Variants in SGMS1 observed in about 807,000 individuals in gnomAD.
SGMS1 encodes phosphatidylcholine:ceramide cholinephosphotransferase 1.
In SGMS1, 13 loss-of-function variants were observed where a neutral mutation model predicts 46.2. The ratio of observed to expected loss-of-function variants is 0.28; its 90% CI spans 0.18 to 0.45. The LOEUF is 0.45. Ranked by LOEUF, SGMS1 falls within the 20% of genes least tolerant of loss-of-function variation. SGMS1 has a pLI of 1.00. For missense variants in SGMS1, 324 were observed against 519.9 expected, an observed-to-expected ratio of 0.62 and a Z score of 3.66; for synonymous variants, 203 against 187.8, an observed-to-expected ratio of 1.08 and a Z score of -0.66.
rs776672777 is a variant in SGMS1, at chr10:50,307,969, CG to C, written c.1062+12del. On this transcript the variant is annotated intron_variant, in intron 10 of 10. Coordinates refer to ENST00000361781, the MANE Select transcript of SGMS1 (RefSeq NM_147156.4). This position sits in a 1 kb window ranked among gnomAD's most constrained non-coding sequence, Gnocchi z 4.2. ...AAACAACAGAAGCTAAAATCAAAAG[CG>C]GGGAAACTCACTTGCTGATTGGCCA... The C allele has an allele frequency of 1.2e-6, 2 of 1,612,766 alleles. No individual in the cohort carries two copies. The highest frequency in any genetic ancestry group is 3.3e-5 in the Admixed American group (2 of 59,866).
intron 7 of SGMS1, chr10:50,335,450 T>C (rs1847700584): frequency 1.3e-5 from 2 of 152,212 alleles, no homozygotes; most frequent in African/African-American, 2.4e-5. Context: ...GAAACTATAA[T>C]TTTCATTTTG....
chr10:50,602,644 T>C (rs189058849), intron 1 of SGMS1, among the ~76,000 whole-genome samples: 4 of 152,310 alleles, frequency 2.6e-5, no homozygotes, highest in African/African-American at 9.6e-5. Context: ...GTGATGTTTA[T>C]TTTTCTAAAT....
At chr10:50,487,416 C>T (rs572660134) in intron 3 of SGMS1, among the ~76,000 whole-genome samples, 1 of 152,248 alleles carries the variant, frequency 6.6e-6, no homozygotes, top group South Asian at 2.1e-4. Context: ...GTTGCTGGAG[C>T]AGCAAACCAC....
intron 3 of SGMS1, among the ~76,000 whole-genome samples, chr10:50,484,985 C>G (rs886637703): frequency 1.3e-5 from 2 of 152,142 alleles, no homozygotes. Context: ...AAAACCAGCA[C>G]AAGACAAGGA....
intron 1 of SGMS1, among the ~76,000 whole-genome samples, chr10:50,601,607 A>G (rs1244839237): frequency 6.6e-6 from 1 of 152,230 alleles, no homozygotes; most frequent in Non-Finnish European, 1.5e-5. Flanking sequence ...ATAAAAGAGG[A>G]ATTAAATTTT....
chr10:50,388,778 C>A (rs928158159), intron 6 of SGMS1, among the ~76,000 whole-genome samples: 53 of 152,086 alleles, frequency 3.5e-4, no homozygotes, highest in Admixed American at 8.5e-4. Flanking sequence ...TAACCTACTA[C>A]ATAAAACAAT....
chr10:50,542,969 A>G (rs1335771082), intron 2 of SGMS1, among the ~76,000 whole-genome samples: 1 of 151,998 alleles, frequency 6.6e-6, no homozygotes, highest in Non-Finnish European at 1.5e-5. Context: ...TTAGACTTGG[A>G]CCTGCTTCCT....
intron 9 of SGMS1, among the ~76,000 whole-genome samples, chr10:50,308,917 G>C (rs556243499): frequency 6.6e-6 from 1 of 152,100 alleles, no homozygotes; most frequent in African/African-American, 2.4e-5. Context: ...ATTCTCAATG[G>C]GTCCAAGAAC....
At chr10:50,337,842 C>G (rs1564879600) in intron 7 of SGMS1, among the ~76,000 whole-genome samples, 1 of 150,434 alleles carries the variant, frequency 6.6e-6, no homozygotes, top group African/African-American at 2.4e-5. Context: ...ACAAATAAGG[C>G]CCCCAAAAGG....
At position 50,305,618 on chromosome 10, in the gene SGMS1, T is replaced by G. The variant is rs1396310224; in HGVS notation, c.*1524A>C. The G allele has an allele frequency of 6.5e-6, 1 of 152,752 alleles. No individual in the cohort carries two copies. The highest frequency in any genetic ancestry group is 1.5e-5 in the Non-Finnish European group (1 of 68,014). The allele number at this position is 152,752 out of a possible 1,614,324, so 9.5% of individuals were successfully genotyped here. A position where few individuals can be genotyped will look rare whatever the true frequency, so the allele number is the denominator to read the frequency against. On this transcript the variant is annotated 3_prime_UTR_variant, in exon 11 of 11. Coordinates refer to ENST00000361781, the MANE Select transcript of SGMS1 (RefSeq NM_147156.4). The stretch of plus-strand genomic sequence containing the variant: ...ACAGCCATTTATTTTAAGTATCAGT[T>G]TTTATTAAAAAGTGCATTTTGATTA...
At chr10:50,620,981 T>G (rs1838844522) in intron 1 of SGMS1, among the ~76,000 whole-genome samples, 2 of 152,118 alleles carry the variant, frequency 1.3e-5, no homozygotes, top group South Asian at 4.1e-4. Flanking sequence ...CCCAGGAGTT[T>G]GGGACCAGCC....
chr10:50,417,272 T>A (rs1346001008), intron 6 of SGMS1, among the ~76,000 whole-genome samples: 1 of 152,168 alleles, frequency 6.6e-6, no homozygotes, highest in Non-Finnish European at 1.5e-5. Context: ...TTTAAGTGGC[T>A]CACTGGACTT....
chr10:50,480,116 G>A (rs1215913618), intron 3 of SGMS1, among the ~76,000 whole-genome samples: 2 of 151,944 alleles, frequency 1.3e-5, no homozygotes, highest in East Asian at 1.9e-4. Flanking sequence ...AAGGATGAAC[G>A]TCTATAGTAT....
intron 6 of SGMS1, among the ~76,000 whole-genome samples, chr10:50,428,683 T>A (rs1408030271): frequency 6.6e-6 from 1 of 152,180 alleles, no homozygotes; most frequent in Admixed American, 6.5e-5. Flanking sequence ...GCCTCAGCAG[T>A]GCCTGAACTA....
At chr10:50,476,287 G>T (rs929882855) in intron 3 of SGMS1, among the ~76,000 whole-genome samples, 1 of 124,814 alleles carries the variant, frequency 8.0e-6, no homozygotes, top group Non-Finnish European at 1.7e-5. Context: ...ATAAAAAAGG[G>T]AAGGGAAGGG....
At chr10:50,624,649 G>T (rs1202068514), upstream of SGMS1, 1 of 985,342 alleles carries the variant, frequency 1.0e-6, no homozygotes, top group Non-Finnish European at 1.2e-6. Context: ...CCCGGAGAGC[G>T]GCTAGGCCGG....
intron 6 of SGMS1, among the ~76,000 whole-genome samples, chr10:50,384,745 C>T (rs1212133624): frequency 6.6e-6 from 1 of 152,054 alleles, no homozygotes; most frequent in Admixed American, 6.6e-5. Context: ...CCACTGTGCC[C>T]GGCCTACTTT....
chr10:50,530,302 C>T (rs1837941316), intron 2 of SGMS1, among the ~76,000 whole-genome samples: 1 of 152,210 alleles, frequency 6.6e-6, no homozygotes. Context: ...AATTTTCTAA[C>T]ACCATCATTA....
chr10:50,406,537 T>A (rs1168622594), intron 6 of SGMS1, among the ~76,000 whole-genome samples: 1 of 152,180 alleles, frequency 6.6e-6, no homozygotes, highest in Non-Finnish European at 1.5e-5. Context: ...CAACAAGGTC[T>A]GGATCTCAGC....
Sources: allele counts gnomAD v4.1 joint callset (sites outside exome capture counted in the v4.1 genomes callset), GRCh38; gene constraint gnomAD v4.1.1; non-coding constraint Gnocchi (gnomAD v3.1); transcripts MANE v1.5; gene names NCBI Gene and HGNC (gene_info 2026-07-23, HGNC 2026-07-21).